Variants in PRKG1 observed in about 807,000 individuals in gnomAD.
PRKG1 encodes the protein cGMP-dependent protein kinase 1.
A neutral mutation model predicts 88.1 loss-of-function variants in PRKG1; 35 were observed. The observed-to-expected ratio is 0.40, with a 90% CI of 0.30 to 0.53. The LOEUF is 0.53. Ranked by LOEUF, PRKG1 falls within the 20% of genes least tolerant of loss-of-function variation. PRKG1 has a pLI of 0.59. For synonymous variants in PRKG1, 303 were observed against 292.5 expected (o/e 1.04, Z -0.37); for missense variants, 540 against 839.8 (o/e 0.64, Z 4.41).
intron 3 of PRKG1, among the ~76,000 whole-genome samples, chr10:51,777,528 C>T (rs1365755149): frequency 6.6e-6 from 1 of 152,060 alleles, no homozygotes; most frequent in Non-Finnish European, 1.5e-5. Context: ...TGTATACTCC[C>T]TTCCCCCACA....
intron 5 of PRKG1, among the ~76,000 whole-genome samples, chr10:51,916,537 A>G (rs1842343831): frequency 1.3e-5 from 2 of 152,126 alleles, no homozygotes. Flanking sequence ...TACTTTCTTA[A>G]TACACTTGCT....
intron 8 of PRKG1, among the ~76,000 whole-genome samples, chr10:52,136,886 C>A (rs527735630): frequency 6.6e-6 from 1 of 152,136 alleles, no homozygotes; most frequent in East Asian, 1.9e-4. Flanking sequence ...AGCACAAATA[C>A]AGAAAAATCA....
chr10:52,267,380 G>C (rs959984115), intron 10 of PRKG1, among the ~76,000 whole-genome samples: 14 of 151,900 alleles, frequency 9.2e-5, no homozygotes, highest in African/African-American at 3.4e-4. Context: ...AGTTGAATCA[G>C]AATCAATTAG....
At chr10:51,330,137 ATTTATTTATTTTTTATTTAT>A (rs1272160539) in intron 2 of PRKG1, among the ~76,000 whole-genome samples, 18 of 127,716 alleles carry the variant, frequency 1.4e-4, no homozygotes, top group Middle Eastern at 4.1e-3. Flanking sequence ...TTATTTATTT[ATTTATTTATTTTTTATTTAT>A]TTTTTTTTTT....
chr10:51,858,390 A>T (rs369094814), intron 4 of PRKG1, among the ~76,000 whole-genome samples: 2,658 of 13,582 alleles, frequency 0.2, 892 homozygotes, highest in Middle Eastern at 0.61. Flanking sequence ...ATATATATAT[A>T]ATATATATAA....
At chr10:52,068,844 G>A (rs1415402843) in intron 7 of PRKG1, among the ~76,000 whole-genome samples, 3 of 152,194 alleles carry the variant, frequency 2.0e-5, no homozygotes, top group Non-Finnish European at 2.9e-5. Context: ...AATTGAACTA[G>A]GTGATCTTTA....
At chr10:51,649,060 T>G (rs1839979987) in intron 3 of PRKG1, among the ~76,000 whole-genome samples, 1 of 152,088 alleles carries the variant, frequency 6.6e-6, no homozygotes, top group African/African-American at 2.4e-5. Flanking sequence ...GCCTAAAGTA[T>G]CTATAGAAGG....
intron 7 of PRKG1, among the ~76,000 whole-genome samples, chr10:52,080,069 TC>T (rs1846732479): frequency 6.6e-6 from 1 of 152,184 alleles, no homozygotes; most frequent in African/African-American, 2.4e-5. Context: ...ACGACACAGC[TC>T]CAAATCTACT....
intron 5 of PRKG1, among the ~76,000 whole-genome samples, chr10:51,945,861 C>G (rs1481385511): frequency 6.6e-6 from 1 of 151,550 alleles, no homozygotes; most frequent in Non-Finnish European, 1.5e-5. Context: ...GTGGGTAACC[C>G]GACCTTTCTC....
At chr10:51,701,318 A>G (rs1228130179) in intron 3 of PRKG1, among the ~76,000 whole-genome samples, 1 of 152,228 alleles carries the variant, frequency 6.6e-6, no homozygotes, top group African/African-American at 2.4e-5. Flanking sequence ...TGTATTATGT[A>G]TCTTCAGTAT....
chr10:51,231,731 A>G (rs1216723755), intron 2 of PRKG1, among the ~76,000 whole-genome samples: 2 of 149,652 alleles, frequency 1.3e-5, no homozygotes, highest in Non-Finnish European at 3.0e-5. Context: ...TTTTTTACCT[A>G]CAACACTTCT....
chr10:52,280,725 AAAAT>A lies in PRKG1; in HGVS notation c.1404-60_1404-57del, dbSNP rs1431866597. On this transcript the variant is annotated intron_variant, in intron 12 of 17. Coordinates refer to ENST00000373980, the MANE Select transcript of PRKG1 (RefSeq NM_006258.4). ...AGGAATATAGTGAAATGAGAAAAAA[AAAAT>A]AAAGCCATATTACAGAAATTAATTT... The A allele has an allele frequency of 4.5e-6, 7 of 1,542,788 alleles. No individual in the cohort carries two copies. In the African/African-American group the frequency reaches 5.6e-5, roughly 12 times the overall value.
intron 2 of PRKG1, among the ~76,000 whole-genome samples, chr10:51,402,741 GA>G (rs1837785564): frequency 6.6e-6 from 1 of 152,104 alleles, no homozygotes; most frequent in Admixed American, 6.5e-5. Flanking sequence ...ACTATTAGAA[GA>G]AAAACTAAAG....
intron 2 of PRKG1, among the ~76,000 whole-genome samples, chr10:51,420,271 T>C (rs1838371901): frequency 6.6e-6 from 1 of 152,156 alleles, no homozygotes. Context: ...ACTATCTGAA[T>C]AGACCTCCTT....
At chr10:51,440,381 A>G (rs1839066295) in intron 2 of PRKG1, among the ~76,000 whole-genome samples, 1 of 151,916 alleles carries the variant, frequency 6.6e-6, no homozygotes, top group African/African-American at 2.4e-5. Context: ...CTCGAAGAGC[A>G]TTTGTAATTA....
chr10:51,199,309 C>T (rs1057170117), intron 2 of PRKG1, among the ~76,000 whole-genome samples: 6 of 152,124 alleles, frequency 3.9e-5, no homozygotes, highest in African/African-American at 1.4e-4. Flanking sequence ...TCAAATATAA[C>T]CATGTGTTCT....
At chr10:51,745,686 G>T (rs1022063335) in intron 3 of PRKG1, among the ~76,000 whole-genome samples, 1 of 152,142 alleles carries the variant, frequency 6.6e-6, no homozygotes, top group African/African-American at 2.4e-5. Context: ...GCAAGTGATA[G>T]TTAATGATAT....
At chr10:51,152,749 A>C (rs1200785754) in intron 1 of PRKG1, among the ~76,000 whole-genome samples, 4 of 152,010 alleles carry the variant, frequency 2.6e-5, no homozygotes, top group Non-Finnish European at 5.9e-5. Context: ...TTCTTTTATA[A>C]ATATAAACAG....
At chr10:51,348,004 A>G (rs1221914697) in intron 2 of PRKG1, among the ~76,000 whole-genome samples, 2 of 152,176 alleles carry the variant, frequency 1.3e-5, no homozygotes, top group South Asian at 2.1e-4. Context: ...CGGAGCTTGC[A>G]GTGAGCCGAG....
Sources: gnomAD v4.1 joint callset for allele counts (sites outside exome capture counted in the v4.1 genomes callset) on GRCh38, gnomAD v4.1.1 for gene constraint, MANE v1.5 for transcripts, NCBI Gene and HGNC (gene_info 2026-07-23, HGNC 2026-07-21) for gene names.